XYLT1: variants seen among roughly 807,000 people sequenced by gnomAD.
XYLT1 encodes the protein xylosyltransferase 1, also known as beta-D-xylosyltransferase 1.
Under a neutral mutation model 91.3 loss-of-function variants are expected in XYLT1, and 36 were observed. That is an observed-to-expected ratio of 0.39 (90% CI 0.30 to 0.52). The LOEUF (loss-of-function observed/expected upper bound fraction) is 0.52. Ranked by LOEUF, XYLT1 falls within the 20% of genes least tolerant of loss-of-function variation. The pLI, the probability that XYLT1 is intolerant of heterozygous loss-of-function variation, is 0.68. For synonymous variants in XYLT1, 588 were observed against 532.0 expected, an observed-to-expected ratio of 1.11 and a Z score of -1.45; for missense variants, 1,242 against 1,284.5, an observed-to-expected ratio of 0.97 and a Z score of 0.51.
chr16:17,309,350 A>G (rs1301374977), intron 2 of XYLT1, among the ~76,000 whole-genome samples: 3 of 152,186 alleles, frequency 2.0e-5, no homozygotes, highest in Non-Finnish European at 4.4e-5. Context: ...GAGAGTTGCT[A>G]GTCTAAAATA....
intron 1 of XYLT1, among the ~76,000 whole-genome samples, chr16:17,421,603 G>A (rs1821187822): frequency 6.6e-6 from 1 of 152,154 alleles, no homozygotes; most frequent in South Asian, 2.1e-4. Flanking sequence ...GAAGATGCTT[G>A]ATGCTACCTG....
intron 4 of XYLT1, 49 bp from the exon 5 acceptor site, chr16:17,198,463 C>A: frequency 6.4e-7 from 1 of 1,559,738 alleles, no homozygotes; most frequent in Non-Finnish European, 8.7e-7. Flanking sequence ...CTAGAAAATA[C>A]CCAGGCATGC....
At chr16:17,213,390 G>C (rs144036480) in intron 3 of XYLT1, among the ~76,000 whole-genome samples, 26 of 152,200 alleles carry the variant, frequency 1.7e-4, no homozygotes, top group African/African-American at 5.8e-4. Flanking sequence ...TATAGCAATG[G>C]GAGAATGAAC....
At position 17,102,149 on chromosome 16, in the gene XYLT1, T is replaced by C. The variant is rs1966711816; in HGVS notation, c.*6546A>G. The C allele has an allele frequency of 6.6e-6, 1 of 152,222 alleles. No homozygotes were observed. The highest frequency in any genetic ancestry group is 2.4e-5 in the African/African-American group (1 of 41,426). The allele number at this position is 152,222 out of a possible 1,614,324, so 9.4% of individuals were successfully genotyped here. ...AGGTTTTCCCAGGATAGGCCATTTA[T>C]GCCTGCAGTCTCAGCATCCCATCCA... is the stretch of plus-strand genomic sequence containing the variant. On this transcript the variant is annotated 3_prime_UTR_variant, in exon 12 of 12. Transcript: ENST00000261381.
chr16:17,406,356 C>G (rs1054250632), intron 1 of XYLT1, among the ~76,000 whole-genome samples: 2 of 152,322 alleles, frequency 1.3e-5, no homozygotes, highest in African/African-American at 2.4e-5. Context: ...CTCTCCCAAC[C>G]CTCCCCATAA....
intron 6 of XYLT1, among the ~76,000 whole-genome samples, chr16:17,145,647 C>T (rs555977724): frequency 1.3e-5 from 2 of 152,326 alleles, no homozygotes; most frequent in Non-Finnish European, 2.9e-5. Context: ...TGACCCTCTC[C>T]CAGACTTGTG....
intron 5 of XYLT1, among the ~76,000 whole-genome samples, chr16:17,164,615 T>C (rs2031635504): frequency 6.6e-6 from 1 of 152,214 alleles, no homozygotes; most frequent in South Asian, 2.1e-4. Context: ...ATAAGTGGAA[T>C]TGTACAGGAT....
chr16:17,139,359 G>T (rs1472390148), intron 7 of XYLT1, among the ~76,000 whole-genome samples: 1 of 152,178 alleles, frequency 6.6e-6, no homozygotes, highest in Non-Finnish European at 1.5e-5. Flanking sequence ...TGGGAGAAGG[G>T]AGGGAAGGCA....
intron 5 of XYLT1, among the ~76,000 whole-genome samples, chr16:17,161,645 G>C (rs9940127): frequency 6.6e-6 from 1 of 151,810 alleles, no homozygotes; most frequent in African/African-American, 2.4e-5. Flanking sequence ...TTGCGATCTG[G>C]TGACATTTTA....
At chr16:17,128,777 C>A (rs372410645) in intron 9 of XYLT1, among the ~76,000 whole-genome samples, 9 of 151,894 alleles carry the variant, frequency 5.9e-5, no homozygotes, top group African/African-American at 1.9e-4. Flanking sequence ...AAGCAGATGG[C>A]AAAAAAGGAG....
chr16:17,209,206 T>C (rs1197018082), intron 3 of XYLT1, among the ~76,000 whole-genome samples: 1 of 152,246 alleles, frequency 6.6e-6, no homozygotes, highest in Non-Finnish European at 1.5e-5. Flanking sequence ...TTCTACTTTC[T>C]GCCTCTATGA....
intron 2 of XYLT1, among the ~76,000 whole-genome samples, chr16:17,317,808 TC>T (rs1201013248): frequency 6.6e-6 from 1 of 151,796 alleles, no homozygotes; most frequent in Non-Finnish European, 1.5e-5. Flanking sequence ...CTCTGTAATG[TC>T]CCCTCTCTTC....
At chr16:17,301,552 G>A (rs1191606861) in intron 2 of XYLT1, among the ~76,000 whole-genome samples, 1 of 152,058 alleles carries the variant, frequency 6.6e-6, no homozygotes, top group East Asian at 1.9e-4. Context: ...TTCTTGGGAG[G>A]GTGATAATGA....
At chr16:17,265,322 ACACT>A (rs763730386) in intron 2 of XYLT1, among the ~76,000 whole-genome samples, 2 of 152,188 alleles carry the variant, frequency 1.3e-5, no homozygotes, top group Non-Finnish European at 2.9e-5. Context: ...CTACCAATTA[ACACT>A]CTCTCTCCCC....
chr16:17,118,928 CTT>C (rs2029951884), intron 10 of XYLT1, among the ~76,000 whole-genome samples: 1 of 152,144 alleles, frequency 6.6e-6, no homozygotes, highest in African/African-American at 2.4e-5. Flanking sequence ...CAGCCAGCCC[CTT>C]ATGTCTAAAG....
chr16:17,342,841 G>T (rs1255292613), intron 2 of XYLT1, among the ~76,000 whole-genome samples: 1 of 152,142 alleles, frequency 6.6e-6, no homozygotes, highest in Non-Finnish European at 1.5e-5. Context: ...CCAGAACGTA[G>T]TAGGCACTCA....
chr16:17,137,219 C>T (rs1364816999), intron 8 of XYLT1, among the ~76,000 whole-genome samples: 1 of 152,152 alleles, frequency 6.6e-6, no homozygotes, highest in African/African-American at 2.4e-5. Flanking sequence ...GAAAAAAACC[C>T]CACTTGGAAC....
At chr16:17,351,176 T>G (rs2035215375) in intron 2 of XYLT1, among the ~76,000 whole-genome samples, 1 of 152,170 alleles carries the variant, frequency 6.6e-6, no homozygotes, top group South Asian at 2.1e-4. Flanking sequence ...TGGGTCATTG[T>G]GTACCCAGAG....
At chr16:17,448,002 A>G (rs1350038563) in intron 1 of XYLT1, among the ~76,000 whole-genome samples, 2 of 152,222 alleles carry the variant, frequency 1.3e-5, no homozygotes, top group Non-Finnish European at 1.5e-5. Context: ...GTGCTGAAAC[A>G]TTAAGGAAAC....
Sources: gnomAD v4.1 joint callset for allele counts (sites outside exome capture counted in the v4.1 genomes callset) on GRCh38, gnomAD v4.1.1 for gene constraint, MANE v1.5 for transcripts, NCBI Gene and HGNC (gene_info 2026-07-23, HGNC 2026-07-21) for gene names.